Variants in NR5A1 observed in about 807,000 individuals in gnomAD.
The protein encoded by NR5A1 is steroidogenic factor 1.
A neutral mutation model predicts 42.7 loss-of-function variants in NR5A1; 6 were observed. The observed-to-expected ratio is 0.14, with a 90% CI of 0.08 to 0.28. NR5A1 has a LOEUF of 0.28. NR5A1 is among the 10% of genes least tolerant of loss of function. The pLI, the probability that NR5A1 is intolerant of heterozygous loss-of-function variation, is 1.00. For synonymous variants in NR5A1, 274 were observed against 277.5 expected, an observed-to-expected ratio of 0.99 and a Z score of 0.12; for missense variants, 442 against 626.4, an observed-to-expected ratio of 0.71 and a Z score of 3.14.
In NR5A1 at chr9:124,482,492, G is replaced by A; in HGVS notation, c.*266C>T. ...CTGGGAGCAGGGAGGGGGCGGGGCG[G>A]GTGGTTAACAGCCACCTCCTTGGGG... On this transcript the variant is annotated 3_prime_UTR_variant, in exon 7 of 7. Coordinates refer to ENST00000373588, the MANE Select transcript of NR5A1 (RefSeq NM_004959.5). 3.9e-6 allele frequency: 2 copies of A among 517,010 alleles called. No homozygotes were observed. Among genetic ancestry groups the A allele is most frequent in the Non-Finnish European group, 7.0e-6 (2 of 283,994 alleles). The allele number at this position is 517,010 out of a possible 1,614,324, so 32.0% of individuals were successfully genotyped here.
At chr9:124,488,935 A>G (rs372115035) in intron 6 of NR5A1, among the ~76,000 whole-genome samples, 89 of 152,236 alleles carry the variant, frequency 5.8e-4, no homozygotes, top group South Asian at 1.9e-3. Context: ...AGCCTCTCCC[A>G]CCTCTCAGGC....
In NR5A1 at chr9:124,496,252, G is replaced by GC. The variant is rs574659238; in HGVS notation, c.871-3104dup. On this transcript the variant is annotated intron_variant, in intron 4 of 6. Transcript: ENST00000373588. The surrounding 1 kb of genome is among the most constrained non-coding windows in gnomAD (Gnocchi z 5.0). ...GAAAACCACAGGGCCATAGCTGCCAGCCCCCCTGCATGAGAAAGCAGGTGG... is the reference window on the plus strand; with the variant it reads ...GAAAACCACAGGGCCATAGCTGCCAGCCCCCCCTGCATGAGAAAGCAGGTGG... Among the ~76,000 whole-genome samples the GC allele has an allele frequency of 6.6e-6, 1 of 152,048 alleles. No individual in the cohort carries two copies. The highest frequency in any genetic ancestry group is 1.5e-5 in the Non-Finnish European group (1 of 68,004).
chr9:124,505,962 G>C (rs1832551749), intron 1 of NR5A1, among the ~76,000 whole-genome samples: 1 of 132,442 alleles, frequency 7.6e-6, no homozygotes, highest in South Asian at 2.3e-4. Flanking sequence ...CCTGGGGTCA[G>C]AGAGAGTTTG....
In NR5A1 at chr9:124,496,916, G is replaced by A. The variant is rs2131283663; in HGVS notation, c.870+3174C>T. Among the ~76,000 whole-genome samples the A allele has an allele frequency of 6.6e-6, 1 of 152,316 alleles. No homozygotes were observed. The highest frequency in any genetic ancestry group is 2.1e-4 in the South Asian group (1 of 4,814). On this transcript the variant is annotated intron_variant, in intron 4 of 6. Coordinates refer to ENST00000373588, the MANE Select transcript of NR5A1 (RefSeq NM_004959.5). The surrounding 1 kb of genome is among the most constrained non-coding windows in gnomAD (Gnocchi z 5.0). ...GAGAGGCTGACTGCCTGGGCCCTGG[G>A]CACTGCTGCCCACCAAGCAGCAGGT...
At chr9:124,495,947 C>T (rs1480268455) in intron 4 of NR5A1, among the ~76,000 whole-genome samples, 1 of 152,210 alleles carries the variant, frequency 6.6e-6, no homozygotes, top group African/African-American at 2.4e-5. Context: ...ACCCTAATTT[C>T]CTGTTTTGTG....
In NR5A1 at chr9:124,500,626, G is replaced by A. The variant is rs1832456567; in HGVS notation, c.334C>T (p.Gln112Ter). ...DRALKQQKKA[Q>*]IRANGFKLET... ...AGCTTGAAGCCATTGGCCCGAATCT[G>A]TGCCTTCTTCTGCTGTTTCAGGGCC... Residue 112 changes from glutamine to a stop codon, truncating the protein, a stop_gained, in exon 4 of 7, where the codon CAG becomes TAG. Transcript: ENST00000373588. LOFTEE classifies it high-confidence loss of function. The surrounding 1 kb of genome is among the most constrained non-coding windows in gnomAD (Gnocchi z 6.9). 6.2e-7 allele frequency: 1 copy of A among 1,613,250 alleles called. No individual in the cohort carries two copies. The highest frequency in any genetic ancestry group is 8.5e-7 in the Non-Finnish European group (1 of 1,180,014).
At chr9:124,494,004 G>C (rs1041503037) in intron 4 of NR5A1, among the ~76,000 whole-genome samples, 4 of 152,202 alleles carry the variant, frequency 2.6e-5, no homozygotes, top group African/African-American at 9.7e-5. Context: ...CCAGGCCAGG[G>C]CCACGGCTGG....
rs140078109 is a variant in NR5A1 at position 124,501,536 on chromosome 9, G to A, written c.245-821C>T. Among the ~76,000 whole-genome samples, 1,114 of 152,354 alleles carry A rather than the reference G, an allele frequency of 7.3e-3. 10 individuals are homozygous for A. The highest frequency in any genetic ancestry group is 0.026 in the African/African-American group (1,070 of 41,574). ...CAGGGCCCCACCCTGGGATCTGGGC[G>A]AGGGGAAAGAGCAGGAGAGAGGGGG... On this transcript the variant is annotated intron_variant, in intron 3 of 6. Coordinates refer to ENST00000373588, the MANE Select transcript of NR5A1 (RefSeq NM_004959.5). This position sits in a 1 kb window ranked among gnomAD's most constrained non-coding sequence, Gnocchi z 4.1.
rs1832187770 is a variant in NR5A1 at position 124,485,071 on chromosome 9, C to G, written c.1139-2066G>C. 2.0e-5 allele frequency among the ~76,000 whole-genome samples: 3 copies of G among 152,176 alleles called. 1 individual carries two copies. The South Asian group carries it at 6.2e-4, about 32-fold the overall frequency. ...CCCCGACTTGACCAGCCTTCCTCCT[C>G]CCTGGAGGGGGAGAGCCAGGGTCAG... On this transcript the variant is annotated intron_variant, in intron 6 of 6. Transcript: ENST00000373588.
At chr9:124,488,049 C>G (rs1232653926) in intron 6 of NR5A1, among the ~76,000 whole-genome samples, 1 of 151,830 alleles carries the variant, frequency 6.6e-6, no homozygotes, top group Non-Finnish European at 1.5e-5. Flanking sequence ...CTCCCCACCC[C>G]GTCCCCACCC....
At chr9:124,505,021 T>TCGG (rs1832534565) in intron 1 of NR5A1, among the ~76,000 whole-genome samples, 1 of 151,570 alleles carries the variant, frequency 6.6e-6, no homozygotes, top group African/African-American at 2.4e-5. Flanking sequence ...CCCCTCTATA[T>TCGG]CGGCGCGTGC....
In NR5A1 at chr9:124,500,474, G is replaced by C. The variant is rs368743340; in HGVS notation, c.486C>G (p.Gly162=). 2.5e-6 allele frequency: 4 copies of C among 1,597,162 alleles called. No individual in the cohort carries two copies. In the South Asian group the frequency reaches 4.5e-5, roughly 18 times the overall value. ...LAAGPPAGPL[G]DFGAPALPMA... ...TGGGCAGTGCTGGGGCCCCAAAGTCGCCCAGTGGCCCAGCAGGTGGACCGG... is the reference window on the plus strand; with the variant it reads ...TGGGCAGTGCTGGGGCCCCAAAGTCCCCCAGTGGCCCAGCAGGTGGACCGG... The change falls in exon 4 of 7, where the codon GGC becomes GGG. Residue 162 remains glycine (G), a synonymous_variant. Coordinates refer to ENST00000373588, the MANE Select transcript of NR5A1 (RefSeq NM_004959.5). This position sits in a 1 kb window ranked among gnomAD's most constrained non-coding sequence, Gnocchi z 6.9.
intron 5 of NR5A1, among the ~76,000 whole-genome samples, chr9:124,492,461 G>A (rs1224981637): frequency 6.6e-6 from 1 of 151,984 alleles, no homozygotes; most frequent in Non-Finnish European, 1.5e-5. Context: ...CCTGCTCTAA[G>A]GGGGCCCAAA....
intron 6 of NR5A1, among the ~76,000 whole-genome samples, chr9:124,486,812 G>C (rs550270607): frequency 6.6e-6 from 1 of 152,198 alleles, no homozygotes; most frequent in Non-Finnish European, 1.5e-5. Context: ...ACACGGGAGC[G>C]GGGTCAAACA....
intron 6 of NR5A1, among the ~76,000 whole-genome samples, chr9:124,490,396 C>T (rs1291455202): frequency 6.6e-6 from 1 of 152,114 alleles, no homozygotes; most frequent in Non-Finnish European, 1.5e-5. Flanking sequence ...TGGAGTGGCC[C>T]AGGCAGGGTT....
At position 124,482,708 on chromosome 9, in the gene NR5A1, G is replaced by GGCCCCCCC. The variant is rs1588613595; in HGVS notation, c.*49_*50insGGGGGGGC. On this transcript the variant is annotated 3_prime_UTR_variant, in exon 7 of 7. Transcript: ENST00000373588. ...GCGGTGTGGCTGCGGCCCCGCCCAG[G>GGCCCCCCC]CCCCGCCCCCAGTCCCGCCCCCAGT... The GGCCCCCCC allele has an allele frequency of 1.1e-5, 6 of 558,004 alleles. No individual in the cohort carries two copies. Among genetic ancestry groups the GGCCCCCCC allele is most frequent in the South Asian group, 1.7e-5 (1 of 58,724 alleles). 34.6% of individuals were successfully genotyped at this position (558,004 alleles called of 1,614,324 possible).
rs376326835 is a variant in NR5A1, at chr9:124,484,127, T to C, written c.1139-1122A>G. Among the ~76,000 whole-genome samples, 4 of 152,226 alleles carry C rather than the reference T, an allele frequency of 2.6e-5. No homozygotes were observed. The East Asian group carries it at 7.7e-4, about 29-fold the overall frequency. On this transcript the variant is annotated intron_variant, in intron 6 of 6. Transcript: ENST00000373588. ...GCGTTGAACATCTCATGGGGTTTAC[T>C]GAACACCATGCTGAAAACGCAAAAC...
chr9:124,505,127 C>T (rs1483923883), intron 1 of NR5A1, among the ~76,000 whole-genome samples: 1 of 152,148 alleles, frequency 6.6e-6, no homozygotes, highest in East Asian at 1.9e-4. Flanking sequence ...CGCCCTCATC[C>T]TCCAGGCCCC....
In NR5A1 at chr9:124,486,681, C is replaced by T. The variant is rs143693309; in HGVS notation, c.1139-3676G>A. Reference sequence around the variant, plus strand: ...TCATCTGGAGACCTTGTACAAGTCACTCCCCTTCCCCAAGCCTCCCTGAAC... The same window carrying T: ...TCATCTGGAGACCTTGTACAAGTCATTCCCCTTCCCCAAGCCTCCCTGAAC... On this transcript the variant is annotated intron_variant, in intron 6 of 6. Transcript: ENST00000373588. Among the ~76,000 whole-genome samples, 401 of 152,348 alleles carry T rather than the reference C, an allele frequency of 2.6e-3. 3 individuals carry two copies. Among genetic ancestry groups the T allele is most frequent in the African/African-American group, 9.1e-3 (377 of 41,574 alleles).
Sources: gnomAD v4.1 joint callset for allele counts (sites outside exome capture counted in the v4.1 genomes callset) on GRCh38, gnomAD v4.1.1 for gene constraint, Gnocchi (gnomAD v3.1) non-coding constraint, MANE v1.5 for transcripts, NCBI Gene and HGNC (gene_info 2026-07-23, HGNC 2026-07-21) for gene names.